Variants in CEP170B observed in about 807,000 individuals in gnomAD.
CEP170B encodes centrosomal protein of 170 kDa protein B.
A neutral mutation model predicts 120.6 loss-of-function variants in CEP170B; 55 were observed. The ratio of observed to expected loss-of-function variants is 0.46; its 90% CI spans 0.37 to 0.57. CEP170B has a LOEUF of 0.57. Among genes scored for constraint, CEP170B ranks in the 20% least tolerant of loss-of-function variants. The pLI, the probability that CEP170B is intolerant of heterozygous loss-of-function variation, is 0.00. For missense variants in CEP170B, 2,212 were observed against 2,253.3 expected, an observed-to-expected ratio of 0.98 and a Z score of 0.37; for synonymous variants, 1,033 against 954.5, an observed-to-expected ratio of 1.08 and a Z score of -1.52.
At chr14:104,881,610 C>T (rs1042511932) in intron 6 of CEP170B, among the ~76,000 whole-genome samples, 97 of 152,294 alleles carry the variant, frequency 6.4e-4, no homozygotes, top group African/African-American at 2.3e-3. Context: ...TGGTGACAGC[C>T]AGTGTGGGGC....
Position 104,883,201 on chromosome 14 carries a change from C to A in CEP170B, c.744C>A (p.Pro248=). 6.2e-7 allele frequency: 1 copy of A among 1,610,878 alleles called. No individual in the cohort carries two copies. Among genetic ancestry groups the A allele is most frequent in the South Asian group, 1.1e-5 (1 of 90,936 alleles). Residue 248 remains proline (P), a synonymous_variant, in exon 8 of 19, where the codon CCC becomes CCA. Transcript: ENST00000414716. ...QPPEVPAHEM[P]TKDAEAGGGG... is the part of the protein sequence containing the mutation. ...CCGAGGTGCCGGCACACGAGATGCC[C>A]ACGAAGGATGCAGAGGCAGGTGGGG...
intron 13 of CEP170B, among the ~76,000 whole-genome samples, chr14:104,890,565 G>GAT (rs1896783255): frequency 3.8e-5 from 5 of 133,086 alleles, no homozygotes; most frequent in African/African-American, 1.5e-4. Context: ...TGGGTGGGTG[G>GAT]GTGGATGGAT....
chr14:104,893,185 G>A (rs1301518291), intron 14 of CEP170B, 50 bp downstream of exon 14: 1 of 1,569,804 alleles, frequency 6.4e-7, no homozygotes, highest in Non-Finnish European at 8.6e-7. Flanking sequence ...CCCTCGAGGA[G>A]GGTCAGGCCA....
In CEP170B at chr14:104,887,493, C is replaced by CACCGCCATCCCCAGCTGCCCG. The variant is rs764166000; in HGVS notation, c.3255_3275dup (p.Pro1086_Arg1092dup). 2.1e-5 allele frequency: 34 copies of CACCGCCATCCCCAGCTGCCCG among 1,611,748 alleles called. No individual in the cohort carries two copies. In the South Asian group the frequency reaches 3.7e-4, roughly 18 times the overall value. ...GGTTCTCGCCGGAAACCAGCGGCCCCACCGCCATCCCCAGCTGCCCGGGAG... is the reference window on the plus strand; with the variant it reads ...GGTTCTCGCCGGAAACCAGCGGCCCCACCGCCATCCCCAGCTGCCCGACCGCCATCCCCAGCTGCCCGGGAG... On this transcript the variant is annotated inframe_insertion, in exon 12 of 19. Transcript: ENST00000414716.
chr14:104,874,076 C>T (rs181967785), intron 2 of CEP170B, among the ~76,000 whole-genome samples: 46 of 152,284 alleles, frequency 3.0e-4, no homozygotes, highest in Middle Eastern at 3.4e-3. Flanking sequence ...GGGCTGCCCA[C>T]GGGGCAGTTA....
At chr14:104,873,973 G>A (rs530459042) in intron 2 of CEP170B, among the ~76,000 whole-genome samples, 2 of 152,286 alleles carry the variant, frequency 1.3e-5, no homozygotes, top group Non-Finnish European at 2.9e-5. Flanking sequence ...GACAGGGTGC[G>A]GGAGTAGGTG....
chr14:104,868,590 G>A lies in CEP170B; in HGVS notation c.105+35G>A, dbSNP rs1476214025. 1 of 1,534,422 alleles carries A rather than the reference G, an allele frequency of 6.5e-7. No individual in the cohort carries two copies. Among genetic ancestry groups the A allele is most frequent in the Non-Finnish European group, 8.8e-7 (1 of 1,136,918 alleles). On this transcript the variant is annotated intron_variant, in intron 2 of 18. Transcript: ENST00000414716. This position sits in a 1 kb window ranked among gnomAD's most constrained non-coding sequence, Gnocchi z 5.9. ...GAGCGCTTGGGGCCAGGAGGGTAGG[G>A]GGTAGACAGTCTGTCCCTGTGGAGG...
At chr14:104,883,541 G>T in intron 8 of CEP170B, 33 bp downstream of exon 8, 1 of 1,502,174 alleles carries the variant, frequency 6.7e-7, no homozygotes, top group South Asian at 1.3e-5. Flanking sequence ...TGCCAGTCCC[G>T]GGACAGGCAG....
At chr14:104,880,540 A>C in intron 6 of CEP170B, 115 bp downstream of exon 6, 2 of 1,439,732 alleles carry the variant, frequency 1.4e-6, no homozygotes, top group Non-Finnish European at 9.4e-7. Context: ...ATGTACACCC[A>C]TACCCCTCAC....
At position 104,865,961 on chromosome 14, in the gene CEP170B, C is replaced by A. The variant is rs189313437; in HGVS notation, c.-28+448C>A. Among the ~76,000 whole-genome samples the A allele has an allele frequency of 3.3e-5, 5 of 152,222 alleles. No individual in the cohort carries two copies. The highest frequency in any genetic ancestry group is 3.3e-4 in the Admixed American group (5 of 15,284). On this transcript the variant is annotated intron_variant, in intron 1 of 18. Transcript: ENST00000414716. This position sits in a 1 kb window ranked among gnomAD's most constrained non-coding sequence, Gnocchi z 6.7. ...CGCCGTCTCCCCGCTGTCCCTGCCT[C>A]TCCCGGCCTGTGCGCTCCTTCCACC...
Position 104,887,811 on chromosome 14 carries a change from C to G in CEP170B, c.3572C>G (p.Ala1191Gly), listed in dbSNP as rs748058886. The change falls in exon 12 of 19, where the codon GCC becomes GGC. Residue 1191 changes from alanine to glycine, a missense_variant. Ala to Gly is a moderately conservative substitution (Grantham distance 60). Around this residue, in one of 2 missense-constraint regions of CEP170B, gnomAD observed 2,166 missense variants for 2,166.7 expected, o/e 1.00. Transcript: ENST00000414716. The part of the protein sequence containing the change: ...TGTSDPEAAP[A>G]RTSFSGRSVE... ...ACTAGTGACCCCGAGGCAGCCCCTG[C>G]CCGCACCAGCTTCTCTGGCCGCAGT... is the stretch of plus-strand genomic sequence containing the variant. 2.5e-6 allele frequency: 4 copies of G among 1,586,760 alleles called. No individual in the cohort carries two copies. The highest frequency in any genetic ancestry group is 2.6e-6 in the Non-Finnish European group (3 of 1,169,542).
Position 104,884,184 on chromosome 14 carries a change from CGG to C in CEP170B, c.1407_1408del (p.Lys471AspfsTer95). The C allele has an allele frequency of 6.5e-7, 1 of 1,545,414 alleles. No individual in the cohort carries two copies. Among genetic ancestry groups the C allele is most frequent in the Non-Finnish European group, 8.7e-7 (1 of 1,147,524 alleles). On this transcript the variant is annotated frameshift_variant, in exon 9 of 19. Transcript: ENST00000414716. LOFTEE classifies it high-confidence loss of function. ...SGPQRAGSLKREKTEERLGSP... is the reference protein window; with the variant it reads ...SGPQRAGSLKXEKTEERLGSP... ...GCCACAGAGGGCCGGCTCGCTCAAG[CGG>C]GAGAAGACAGAGGAACGGCTGGGCA...
chr14:104,872,134 CGTGT>C (rs1169124745), intron 2 of CEP170B, among the ~76,000 whole-genome samples: 1 of 149,888 alleles, frequency 6.7e-6, no homozygotes, highest in East Asian at 2.0e-4. Flanking sequence ...CGTGTGTGTG[CGTGT>C]GTGTGCCGTG....
At position 104,891,517 on chromosome 14, in the gene CEP170B, G is replaced by A. The variant is rs1276236917; in HGVS notation, c.3879-1459G>A. ...AGCATGAAGTTGGTGGGGAGGACCT[G>A]GGGGGCTTGGAAGGATGGGGACTGG... On this transcript the variant is annotated intron_variant, in intron 13 of 18. Coordinates refer to ENST00000414716, the MANE Select transcript of CEP170B (RefSeq NM_001112726.3). The surrounding 1 kb of genome is among the most constrained non-coding windows in gnomAD (Gnocchi z 4.3). Among the ~76,000 whole-genome samples, 1 of 152,100 alleles carries A rather than the reference G, an allele frequency of 6.6e-6. No homozygotes were observed. Among genetic ancestry groups the A allele is most frequent in the African/African-American group, 2.4e-5 (1 of 41,402 alleles).
chr14:104,889,284 A>G (rs1194861054), intron 12 of CEP170B, among the ~76,000 whole-genome samples: 15 of 152,020 alleles, frequency 9.9e-5, no homozygotes, highest in Admixed American at 9.8e-4. Flanking sequence ...CTGGCCTGGG[A>G]GCACCAGGCC....
Position 104,868,647 on chromosome 14 carries a change from C to A in CEP170B, c.105+92C>A. 2.4e-6 allele frequency: 3 copies of A among 1,270,144 alleles called. No individual in the cohort carries two copies. Among genetic ancestry groups the A allele is most frequent in the Non-Finnish European group, 2.2e-6 (2 of 922,810 alleles). 78.7% of individuals were successfully genotyped at this position (1,270,144 alleles called of 1,614,324 possible). Reference sequence around the variant, plus strand: ...AGGTGCCCACCCCACTTGCTGCAGGCCACCCTGGCGAGGAGGCCGCCATGC... The same window carrying A: ...AGGTGCCCACCCCACTTGCTGCAGGACACCCTGGCGAGGAGGCCGCCATGC... On this transcript the variant is annotated intron_variant, in intron 2 of 18. Transcript: ENST00000414716. This position sits in a 1 kb window ranked among gnomAD's most constrained non-coding sequence, Gnocchi z 5.9.
intron 16 of CEP170B, chr14:104,894,053 C>T: frequency 1.5e-6 from 1 of 655,322 alleles, no homozygotes; most frequent in East Asian, 2.7e-5. Flanking sequence ...CAGGGCGGCC[C>T]TTCCTCCCCT....
intron 6 of CEP170B, among the ~76,000 whole-genome samples, chr14:104,881,276 G>A (rs1896141580): frequency 6.6e-6 from 1 of 152,144 alleles, no homozygotes; most frequent in African/African-American, 2.4e-5. Context: ...TGCCTGGTGG[G>A]GTGTGGAGGG....
At chr14:104,892,066 C>T (rs1289630973) in intron 13 of CEP170B, among the ~76,000 whole-genome samples, 2 of 152,076 alleles carry the variant, frequency 1.3e-5, no homozygotes, top group Non-Finnish European at 2.9e-5. Flanking sequence ...CCTTGGGTGA[C>T]TGCCAGTGTG....
Sources: allele counts gnomAD v4.1 joint callset (sites outside exome capture counted in the v4.1 genomes callset), GRCh38; gene constraint gnomAD v4.1.1; regional missense constraint gnomAD v4.1.1; non-coding constraint Gnocchi (gnomAD v3.1); transcripts MANE v1.5; gene names NCBI Gene and HGNC (gene_info 2026-07-23, HGNC 2026-07-21).